Variants in ITPK1 observed in about 807,000 individuals in gnomAD.
ITPK1 encodes inositol 1,3,4-trisphosphate 5/6-kinase.
Under a neutral mutation model 45.3 loss-of-function variants are expected in ITPK1, and 21 were observed. The observed-to-expected ratio is 0.46, with a 90% CI of 0.33 to 0.67. The LOEUF (loss-of-function observed/expected upper bound fraction) is 0.67, where lower values mean the gene tolerates loss of function less well. Ranked by LOEUF, ITPK1 falls within the 30% of genes least tolerant of loss-of-function variation. ITPK1 has a pLI of 0.02. For missense variants in ITPK1, 474 were observed against 573.5 expected (o/e 0.83, Z 1.77); for synonymous variants, 258 against 253.6 (o/e 1.02, Z -0.16).
Position 93,014,024 on chromosome 14 carries a change from C to T in ITPK1, c.246+2652G>A, listed in dbSNP as rs1035227984. On this transcript the variant is annotated intron_variant, in intron 4 of 10. Coordinates refer to ENST00000267615, the MANE Select transcript of ITPK1 (RefSeq NM_014216.6). The surrounding 1 kb of genome is among the most constrained non-coding windows in gnomAD (Gnocchi z 4.4). ...CCTGGGGCCTCTGGAAAGTGCAGCC[C>T]CGCACCCTTTTCTCCAAAGGATTGT... 1.3e-5 allele frequency among the ~76,000 whole-genome samples: 2 copies of T among 152,198 alleles called. No individual in the cohort carries two copies. Among genetic ancestry groups the T allele is most frequent in the Non-Finnish European group, 2.9e-5 (2 of 68,032 alleles).
chr14:92,986,090 G>A (rs1468679898), intron 5 of ITPK1, among the ~76,000 whole-genome samples: 1 of 152,180 alleles, frequency 6.6e-6, no homozygotes, highest in Admixed American at 6.5e-5. Context: ...AGTCGGAAAG[G>A]TGCTGAGTGG....
intron 2 of ITPK1, among the ~76,000 whole-genome samples, chr14:93,088,341 G>GGTTTT (rs1891732323): frequency 7.5e-5 from 10 of 132,722 alleles, no homozygotes; most frequent in African/African-American, 2.8e-4. Context: ...GTTTTGTTTT[G>GGTTTT]TTTTTTTTTT....
At chr14:92,962,938 C>T in intron 5 of ITPK1, 89 bp from the exon 6 acceptor site, 3 of 787,774 alleles carry the variant, frequency 3.8e-6, no homozygotes, top group Non-Finnish European at 4.2e-6. Flanking sequence ...CCCCAGGGGC[C>T]TTCAGTGCCC....
intron 3 of ITPK1, chr14:93,071,920 A>G (rs1321845261): frequency 6.6e-6 from 1 of 152,168 alleles, no homozygotes; most frequent in Non-Finnish European, 1.5e-5. Context: ...CTGAATTATT[A>G]TAACAATTAC....
chr14:93,073,276 A>G (rs1325150823), intron 3 of ITPK1, among the ~76,000 whole-genome samples: 1 of 152,226 alleles, frequency 6.6e-6, no homozygotes, highest in Admixed American at 6.5e-5. Context: ...TGCGCCTCAC[A>G]GAGTGCACAA....
At chr14:93,101,101 C>T (rs989435463) in intron 2 of ITPK1, among the ~76,000 whole-genome samples, 3 of 152,146 alleles carry the variant, frequency 2.0e-5, no homozygotes, top group South Asian at 2.1e-4. Flanking sequence ...TCATCCTGGC[C>T]GGGATGGGGT....
At chr14:92,957,278 A>G (rs1884788884) in intron 8 of ITPK1, among the ~76,000 whole-genome samples, 1 of 152,246 alleles carries the variant, frequency 6.6e-6, no homozygotes, top group African/African-American at 2.4e-5. Flanking sequence ...GCTGATTTGA[A>G]CAAGCCACAG....
In ITPK1 at chr14:92,940,485, C is replaced by T. The variant is rs1887306952; in HGVS notation, c.*1076G>A. ...CTCCCTGGCACCTGCTGGCTCAGTG[C>T]TTGGGGCTTGCAATGAGAGGTGGAC... is the stretch of plus-strand genomic sequence containing the variant. On this transcript the variant is annotated 3_prime_UTR_variant, in exon 11 of 11. Transcript: ENST00000267615. The T allele has an allele frequency of 1.8e-6, 2 of 1,142,272 alleles. No individual in the cohort carries two copies. The allele number at this position is 1,142,272 out of a possible 1,614,324, so 70.8% of individuals were successfully genotyped here.
At chr14:93,025,901 G>C (rs925033238) in intron 3 of ITPK1, among the ~76,000 whole-genome samples, 1 of 152,196 alleles carries the variant, frequency 6.6e-6, no homozygotes, top group Non-Finnish European at 1.5e-5. Flanking sequence ...GTTGAGGCAG[G>C]TGGATCGCCT....
chr14:93,056,214 C>T (rs894620250), intron 3 of ITPK1, among the ~76,000 whole-genome samples: 2 of 152,164 alleles, frequency 1.3e-5, no homozygotes, highest in African/African-American at 4.8e-5. Context: ...GCAAAGCCCA[C>T]TCCTGGCCAA....
intron 9 of ITPK1, among the ~76,000 whole-genome samples, chr14:92,947,020 G>A (rs1477503549): frequency 2.6e-5 from 4 of 152,214 alleles, no homozygotes; most frequent in African/African-American, 9.6e-5. Flanking sequence ...GGAGGCAAAG[G>A]TGCTGAGGCC....
At chr14:93,103,114 AAAAGAAAG>A (rs1231428910) in intron 2 of ITPK1, among the ~76,000 whole-genome samples, 2 of 143,418 alleles carry the variant, frequency 1.4e-5, no homozygotes, top group South Asian at 2.2e-4. Context: ...AAAAAAAAAA[AAAAGAAAG>A]AAAGAAAGAA....
chr14:93,041,538 G>C (rs767430371), intron 3 of ITPK1, among the ~76,000 whole-genome samples: 1 of 152,220 alleles, frequency 6.6e-6, no homozygotes, highest in Admixed American at 6.5e-5. Context: ...CTCAGAAACC[G>C]GGCCTCTGCC....
intron 5 of ITPK1, among the ~76,000 whole-genome samples, chr14:92,989,203 G>A (rs1886652574): frequency 6.6e-6 from 1 of 152,190 alleles, no homozygotes; most frequent in Non-Finnish European, 1.5e-5. Flanking sequence ...CCTCTAAGAT[G>A]AGCCCTAATT....
chr14:93,063,859 T>C lies in ITPK1; in HGVS notation c.120+12736A>G, dbSNP rs1890633443. ...CACACACAGGAGTTCTCACTGCTGC[T>C]GCCTGGGCTGCTCATAGAAGCCCAG... is the stretch of plus-strand genomic sequence containing the variant. On this transcript the variant is annotated intron_variant, in intron 3 of 10. Coordinates refer to ENST00000267615, the MANE Select transcript of ITPK1 (RefSeq NM_014216.6). This position sits in a 1 kb window ranked among gnomAD's most constrained non-coding sequence, Gnocchi z 4.3. Among the ~76,000 whole-genome samples the C allele has an allele frequency of 6.6e-6, 1 of 152,222 alleles. No individual in the cohort carries two copies. The highest frequency in any genetic ancestry group is 6.5e-5 in the Admixed American group (1 of 15,288).
intron 3 of ITPK1, among the ~76,000 whole-genome samples, chr14:93,057,439 C>T (rs1433010288): frequency 2.0e-5 from 3 of 152,246 alleles, no homozygotes; most frequent in Admixed American, 6.5e-5. Flanking sequence ...CTCACTCCTA[C>T]TCACTTGCTG....
At chr14:93,070,862 A>C (rs1195468795) in intron 3 of ITPK1, 1 of 153,806 alleles carries the variant, frequency 6.5e-6, no homozygotes, top group African/African-American at 2.4e-5. Flanking sequence ...CGGCCTGGCT[A>C]TGAGGGGCCC....
intron 3 of ITPK1, among the ~76,000 whole-genome samples, chr14:93,048,258 C>T (rs1889864761): frequency 2.0e-5 from 3 of 152,184 alleles, no homozygotes; most frequent in African/African-American, 7.2e-5. Flanking sequence ...CTTTGGCAAG[C>T]GCCTTCGGCC....
At chr14:93,000,052 C>T (rs1887258655) in intron 4 of ITPK1, among the ~76,000 whole-genome samples, 1 of 152,220 alleles carries the variant, frequency 6.6e-6, no homozygotes, top group Non-Finnish European at 1.5e-5. Flanking sequence ...TTTTAAAATG[C>T]ATCCATGTTG....
Sources: allele counts gnomAD v4.1 joint callset (sites outside exome capture counted in the v4.1 genomes callset), GRCh38; gene constraint gnomAD v4.1.1; non-coding constraint Gnocchi (gnomAD v3.1); transcripts MANE v1.5; gene names NCBI Gene and HGNC (gene_info 2026-07-23, HGNC 2026-07-21).